Variants in ASAP1 observed in about 807,000 individuals in gnomAD.
ASAP1 encodes the protein ArfGAP with SH3 domain, ankyrin repeat and PH domain 1.
ASAP1 carries 43 observed loss-of-function variants against 145.2 expected under a neutral mutation model. That is an observed-to-expected ratio of 0.30 (90% CI 0.23 to 0.38). The LOEUF is 0.38. ASAP1 is among the 10% of genes least tolerant of loss of function. ASAP1 has a pLI of 1.00. For missense variants in ASAP1, 1,018 were observed against 1,355.3 expected, an observed-to-expected ratio of 0.75 and a Z score of 3.91; for synonymous variants, 546 against 515.5, an observed-to-expected ratio of 1.06 and a Z score of -0.80.
At chr8:130,371,805 T>C (rs1827225444) in intron 2 of ASAP1, among the ~76,000 whole-genome samples, 1 of 152,226 alleles carries the variant, frequency 6.6e-6, no homozygotes, top group South Asian at 2.1e-4. Context: ...CAGACTTCTC[T>C]GGTCAGAGAG....
At chr8:130,061,794 C>A (rs767623548) in intron 27 of ASAP1, among the ~76,000 whole-genome samples, 1 of 152,232 alleles carries the variant, frequency 6.6e-6, no homozygotes, top group East Asian at 1.9e-4. Flanking sequence ...CAAATCAGTT[C>A]TTTTTTATTC....
intron 1 of ASAP1, among the ~76,000 whole-genome samples, chr8:130,405,601 T>C (rs1209847279): frequency 1.3e-5 from 2 of 152,210 alleles, no homozygotes; most frequent in East Asian, 3.9e-4. Flanking sequence ...CTCAGGTTTA[T>C]GAAATGAGGC....
At chr8:130,262,997 A>AT (rs766678717) in intron 3 of ASAP1, among the ~76,000 whole-genome samples, 30 of 152,326 alleles carry the variant, frequency 2.0e-4, no homozygotes, top group Non-Finnish European at 3.4e-4. Flanking sequence ...CGTTGAGAAT[A>AT]TTTCTGCTTT....
At chr8:130,347,980 G>C (rs1016111561) in intron 3 of ASAP1, among the ~76,000 whole-genome samples, 1 of 152,192 alleles carries the variant, frequency 6.6e-6, no homozygotes, top group Non-Finnish European at 1.5e-5. Context: ...ACACACTTGG[G>C]GTTTCTAGGC....
intron 2 of ASAP1, among the ~76,000 whole-genome samples, chr8:130,362,336 T>C (rs148650873): frequency 4.3e-4 from 66 of 152,254 alleles, no homozygotes; most frequent in African/African-American, 1.4e-3. Flanking sequence ...CATCACAGGC[T>C]CCCGATGCCC....
intron 14 of ASAP1, among the ~76,000 whole-genome samples, chr8:130,136,606 A>G (rs1408485866): frequency 1.3e-5 from 2 of 151,102 alleles, no homozygotes; most frequent in Non-Finnish European, 2.9e-5. Context: ...ACCAACAACT[A>G]TAATTCAGTA....
intron 9 of ASAP1, among the ~76,000 whole-genome samples, chr8:130,170,047 A>C (rs1254789643): frequency 2.0e-5 from 3 of 152,180 alleles, no homozygotes; most frequent in Non-Finnish European, 4.4e-5. Context: ...CCTACAGCAG[A>C]CTATTTCTCA....
chr8:130,193,822 T>G (rs1265853063), intron 5 of ASAP1, among the ~76,000 whole-genome samples: 1 of 152,234 alleles, frequency 6.6e-6, no homozygotes, highest in Non-Finnish European at 1.5e-5. Context: ...CCTCAAATCA[T>G]GTACTGACCA....
At position 130,052,174 on chromosome 8, in the gene ASAP1, T is replaced by TA. The variant is rs1207185630; in HGVS notation, c.*2556dup. 1 of 152,648 alleles carries TA rather than the reference T, an allele frequency of 6.6e-6. No individual in the cohort carries two copies. The highest frequency in any genetic ancestry group is 1.5e-5 in the Non-Finnish European group (1 of 68,036). The allele number at this position is 152,648 out of a possible 1,614,324, so 9.5% of individuals were successfully genotyped here. On this transcript the variant is annotated 3_prime_UTR_variant, in exon 30 of 30. Transcript: ENST00000518721. The stretch of plus-strand genomic sequence containing the variant: ...ATTAAAAAAAGTAGAAATTAACACA[T>TA]ACAGTACTGAAAAACTGTCACATTA...
chr8:130,261,786 C>T (rs993991461), intron 3 of ASAP1, among the ~76,000 whole-genome samples: 3 of 151,966 alleles, frequency 2.0e-5, no homozygotes, highest in East Asian at 1.9e-4. Context: ...GGACCTGGGG[C>T]GGAGAGATTC....
chr8:130,375,240 G>A (rs1207432604), intron 2 of ASAP1, among the ~76,000 whole-genome samples: 1 of 152,134 alleles, frequency 6.6e-6, no homozygotes, highest in Non-Finnish European at 1.5e-5. Context: ...GATCCCCCAG[G>A]CGTTAGGAGG....
At chr8:130,350,335 TC>T (rs2138039543) in intron 3 of ASAP1, among the ~76,000 whole-genome samples, 1 of 152,260 alleles carries the variant, frequency 6.6e-6, no homozygotes, top group African/African-American at 2.4e-5. Context: ...TGAATTCAAA[TC>T]CCTGCATGGT....
chr8:130,435,923 G>A (rs1287382576), intron 1 of ASAP1, among the ~76,000 whole-genome samples: 4 of 152,160 alleles, frequency 2.6e-5, no homozygotes, highest in African/African-American at 7.2e-5. Context: ...CAGGACCCAG[G>A]AAACACTTAG....
At chr8:130,220,174 A>T (rs1453013327) in intron 4 of ASAP1, among the ~76,000 whole-genome samples, 1 of 152,206 alleles carries the variant, frequency 6.6e-6, no homozygotes, top group Non-Finnish European at 1.5e-5. Context: ...GTCTAGTTTT[A>T]AAAACTAGAC....
intron 9 of ASAP1, among the ~76,000 whole-genome samples, chr8:130,171,423 A>G (rs1172337903): frequency 6.6e-6 from 1 of 151,790 alleles, no homozygotes; most frequent in African/African-American, 2.4e-5. Context: ...ACCTCTTCAC[A>G]GGGCGGCAGG....
intron 24 of ASAP1, among the ~76,000 whole-genome samples, chr8:130,104,323 A>G (rs2097533559): frequency 6.6e-6 from 1 of 152,258 alleles, no homozygotes; most frequent in South Asian, 2.1e-4. Context: ...CCCAAAATTT[A>G]GCCTGAATCT....
intron 3 of ASAP1, among the ~76,000 whole-genome samples, chr8:130,273,538 C>T (rs1278148825): frequency 6.6e-6 from 1 of 152,172 alleles, no homozygotes; most frequent in Non-Finnish European, 1.5e-5. Flanking sequence ...ATAAACACAG[C>T]AGCCAGGCTT....
chr8:130,055,334 G>C (rs1463615756), intron 29 of ASAP1, among the ~76,000 whole-genome samples: 2 of 151,574 alleles, frequency 1.3e-5, no homozygotes, highest in African/African-American at 4.8e-5. Flanking sequence ...AGGCTGCTAT[G>C]GCACCTGGCC....
In ASAP1 at chr8:130,053,452, G is replaced by C. The variant is rs1049064695; in HGVS notation, c.*1279C>G. 1.3e-5 allele frequency: 2 copies of C among 152,188 alleles called. No homozygotes were observed. Among genetic ancestry groups the C allele is most frequent in the African/African-American group, 4.8e-5 (2 of 41,440 alleles). The allele number at this position is 152,188 out of a possible 1,614,324, so 9.4% of individuals were successfully genotyped here. On this transcript the variant is annotated 3_prime_UTR_variant, in exon 30 of 30. Transcript: ENST00000518721. ...GGCTGGGATGAAAAGAAAACTGAGAGGGAAGAGTGCTTTTCACAGTGCAAT... is the reference window on the plus strand; with the variant it reads ...GGCTGGGATGAAAAGAAAACTGAGACGGAAGAGTGCTTTTCACAGTGCAAT...
Sources: gnomAD v4.1 joint callset for allele counts (sites outside exome capture counted in the v4.1 genomes callset) on GRCh38, gnomAD v4.1.1 for gene constraint, MANE v1.5 for transcripts, NCBI Gene and HGNC (gene_info 2026-07-23, HGNC 2026-07-21) for gene names.